The following DDX19B variants were observed in gnomAD, a reference collection of about 807,000 sequenced individuals.
DDX19B encodes DEAD-box helicase 19B.
DDX19B carries 27 observed loss-of-function variants against 58.1 expected under a neutral mutation model. That is an observed-to-expected ratio of 0.46 (90% confidence interval 0.34 to 0.64). The LOEUF (loss-of-function observed/expected upper bound fraction) is 0.64, where lower values mean the gene tolerates loss of function less well. Among genes scored for constraint, DDX19B ranks in the 30% least tolerant of loss-of-function variants. The pLI, the probability that DDX19B is intolerant of heterozygous loss-of-function variation, is 0.01. For synonymous variants in DDX19B, 187 were observed against 214.4 expected (o/e 0.87, Z 1.12); for missense variants, 399 against 596.5 (o/e 0.67, Z 3.45).
intron 2 of DDX19B, 101 bp downstream of exon 2, chr16:70,312,758 C>A: frequency 1.1e-6 from 1 of 937,114 alleles, no homozygotes; most frequent in Non-Finnish European, 1.7e-6. Flanking sequence ...TTGTACCAGG[C>A]AGGGCATTGG....
At chr16:70,323,041 A>T (rs1962933577) in intron 5 of DDX19B, among the ~76,000 whole-genome samples, 1 of 152,002 alleles carries the variant, frequency 6.6e-6, no homozygotes, top group Non-Finnish European at 1.5e-5. Flanking sequence ...CCCCTGCCGG[A>T]AGACCTCATT....
intron 5 of DDX19B, among the ~76,000 whole-genome samples, chr16:70,324,348 G>A (rs1169127319): frequency 8.9e-6 from 1 of 112,774 alleles, no homozygotes; most frequent in East Asian, 2.9e-4. Context: ...GGTCAACAGA[G>A]TGAGACCTAA....
chr16:70,309,080 T>C (rs1004738011), intron 1 of DDX19B, among the ~76,000 whole-genome samples: 5 of 152,146 alleles, frequency 3.3e-5, no homozygotes, highest in African/African-American at 2.4e-5. Flanking sequence ...CTTTCTCCAG[T>C]TGAATGGTTT....
Position 70,329,831 on chromosome 16 carries a change from G to A in DDX19B, c.786G>A (p.Arg262=), listed in dbSNP as rs763017557. 1.2e-6 allele frequency: 2 copies of A among 1,614,146 alleles called. No individual in the cohort carries two copies. The highest frequency in any genetic ancestry group is 1.1e-5 in the South Asian group (1 of 91,086). Residue 262 remains arginine, a splice_region_variant and synonymous_variant, in exon 9 of 12, where the codon AGG becomes AGA. Coordinates refer to ENST00000288071, the MANE Select transcript of DDX19B (RefSeq NM_007242.7). Reference sequence around the variant, plus strand: ...CACCTACCAGGGCCTTCCCTTGCAGGATGCTGCCCAGGAACTGCCAGATGC... The same window carrying A: ...CACCTACCAGGGCCTTCCCTTGCAGAATGCTGCCCAGGAACTGCCAGATGC... ...GHQDQSIRIQ[R]MLPRNCQMLL... is the part of the protein sequence containing the mutation.
chr16:70,308,894 T>G (rs1014865214), intron 1 of DDX19B, among the ~76,000 whole-genome samples: 3 of 152,106 alleles, frequency 2.0e-5, no homozygotes, highest in Non-Finnish European at 4.4e-5. Flanking sequence ...CATGGTGGTT[T>G]GCTGCACCTA....
chr16:70,291,747 C>A (rs2152176763), upstream of DDX19B, among the ~76,000 whole-genome samples: 1 of 151,722 alleles, frequency 6.6e-6, no homozygotes, highest in Non-Finnish European at 1.5e-5. Context: ...GGAGGCGGAG[C>A]TAGCAGTGAG....
At chr16:70,295,492 C>T (rs1455638611), upstream of DDX19B, among the ~76,000 whole-genome samples, 1 of 151,296 alleles carries the variant, frequency 6.6e-6, no homozygotes, top group Non-Finnish European at 1.5e-5. Flanking sequence ...CCCTATGTTG[C>T]CCAGGCTTGC....
intron 1 of DDX19B, among the ~76,000 whole-genome samples, chr16:70,311,911 G>A (rs1962115239): frequency 6.6e-6 from 1 of 151,418 alleles, no homozygotes; most frequent in Non-Finnish European, 1.5e-5. Context: ...GCGTGATCTT[G>A]GCTCACTGCA....
intron 5 of DDX19B, among the ~76,000 whole-genome samples, chr16:70,318,127 C>G (rs1277341323): frequency 1.4e-5 from 2 of 145,884 alleles, no homozygotes; most frequent in African/African-American, 5.1e-5. Context: ...AATCCCAACA[C>G]TTTGGGAGGC....
intron 1 of DDX19B, among the ~76,000 whole-genome samples, chr16:70,310,125 G>A (rs906630536): frequency 6.6e-6 from 1 of 152,130 alleles, no homozygotes; most frequent in African/African-American, 2.4e-5. Flanking sequence ...GCTCATGCCT[G>A]TAATCCCAGC....
At chr16:70,317,429 C>T (rs1962491889) in intron 4 of DDX19B, 67 bp from the exon 5 acceptor site, 2 of 1,244,588 alleles carry the variant, frequency 1.6e-6, no homozygotes, top group Non-Finnish European at 2.3e-6. Flanking sequence ...GAGAAAAATC[C>T]TCCAGATATT....
intron 1 of DDX19B, among the ~76,000 whole-genome samples, chr16:70,299,994 AGAATTAATTT>A (rs1328830693): frequency 3.3e-5 from 5 of 152,316 alleles, no homozygotes; most frequent in Admixed American, 2.6e-4. Context: ...ACTACTGCGT[AGAATTAATTT>A]CTCCCACCGA....
chr16:70,329,196 C>T, intron 7 of DDX19B, 96 bp from the exon 8 acceptor site: 3 of 1,493,106 alleles, frequency 2.0e-6, no homozygotes, highest in Non-Finnish European at 2.7e-6. Flanking sequence ...GCACTCCAGC[C>T]TGGGCAACAG....
chr16:70,316,452 C>T (rs1567630143), intron 4 of DDX19B, among the ~76,000 whole-genome samples: 1 of 152,120 alleles, frequency 6.6e-6, no homozygotes, highest in South Asian at 2.1e-4. Flanking sequence ...TCATGATCCA[C>T]TTGCCTCGGC....
At chr16:70,292,974 C>T (rs1263889403), upstream of DDX19B, among the ~76,000 whole-genome samples, 4 of 151,808 alleles carry the variant, frequency 2.6e-5, no homozygotes, top group African/African-American at 4.8e-5. Context: ...GGTGTGGTGG[C>T]GGCCACCTGT....
intron 5 of DDX19B, among the ~76,000 whole-genome samples, chr16:70,322,008 C>T (rs1292277163): frequency 1.3e-5 from 2 of 148,294 alleles, no homozygotes; most frequent in Non-Finnish European, 1.5e-5. Flanking sequence ...GGACTCCAGC[C>T]TGGGCGACAG....
At chr16:70,294,827 A>G, upstream of DDX19B, 2 of 1,481,684 alleles carry the variant, frequency 1.3e-6, no homozygotes, top group South Asian at 1.3e-5. Flanking sequence ...TTGGAGTGTA[A>G]CTGCCATGCT....
chr16:70,293,662 A>G (rs1961117964), upstream of DDX19B, among the ~76,000 whole-genome samples: 1 of 121,086 alleles, frequency 8.3e-6, no homozygotes, highest in Non-Finnish European at 1.6e-5. Flanking sequence ...CGGACTGCGG[A>G]CTGCAGTGGC....
At chr16:70,298,062 C>T (rs1245325154), upstream of DDX19B, among the ~76,000 whole-genome samples, 2 of 152,124 alleles carry the variant, frequency 1.3e-5, no homozygotes, top group African/African-American at 4.8e-5. Flanking sequence ...ATCACTTGAG[C>T]TCAGGAGTTT....
Sources: gnomAD v4.1 joint callset for allele counts (sites outside exome capture counted in the v4.1 genomes callset) on GRCh38, gnomAD v4.1.1 for gene constraint, MANE v1.5 for transcripts, NCBI Gene and HGNC (gene_info 2026-07-23, HGNC 2026-07-21) for gene names.